Variants in LARGE1 observed in about 807,000 individuals in gnomAD.
LARGE1 encodes the protein LARGE xylosyl- and glucuronyltransferase 1.
LARGE1 carries 43 observed loss-of-function variants against 87.6 expected under a neutral mutation model. The observed-to-expected ratio is 0.49, with a 90% CI of 0.38 to 0.63. The LOEUF (loss-of-function observed/expected upper bound fraction) is 0.63. Among genes scored for constraint, LARGE1 ranks in the 30% least tolerant of loss-of-function variants. The pLI, the probability that LARGE1 is intolerant of heterozygous loss-of-function variation, is 0.00. For missense variants in LARGE1, 802 were observed against 1,000.2 expected (o/e 0.80, Z 2.67); for synonymous variants, 434 against 394.6 (o/e 1.10, Z -1.18).
chr22:33,097,541 C>T, the LARGE1 span, among the ~76,000 whole-genome samples: 1 of 152,098 alleles, frequency 6.6e-6, no homozygotes, highest in Non-Finnish European at 1.5e-5. Context: ...TTGATTTTTC[C>T]CCAAGTAAAG....
intron 6 of LARGE1, among the ~76,000 whole-genome samples, chr22:33,470,121 A>G (rs1336245812): frequency 6.6e-6 from 1 of 151,656 alleles, no homozygotes; most frequent in African/African-American, 2.4e-5. Flanking sequence ...TGATCTCCTG[A>G]CCTTGTGATC....
intron 6 of LARGE1, among the ~76,000 whole-genome samples, chr22:33,508,634 C>A (rs2070879651): frequency 6.6e-6 from 1 of 152,146 alleles, no homozygotes; most frequent in Admixed American, 6.5e-5. Context: ...GAGAAAGTTA[C>A]AACGTACATC....
the LARGE1 span, among the ~76,000 whole-genome samples, chr22:33,126,208 G>C: frequency 6.6e-6 from 1 of 152,166 alleles, no homozygotes; most frequent in Non-Finnish European, 1.5e-5. Context: ...GAAGTTTCAG[G>C]GAACACACTT....
intron 1 of LARGE1, among the ~76,000 whole-genome samples, chr22:33,800,131 T>C (rs1433814964): frequency 6.6e-6 from 1 of 152,190 alleles, no homozygotes; most frequent in African/African-American, 2.4e-5. Flanking sequence ...ACCCTGCCAA[T>C]CAAATAGTAA....
intron 12 of LARGE1, among the ~76,000 whole-genome samples, chr22:33,284,249 G>C (rs1262112042): frequency 1.3e-5 from 2 of 152,180 alleles, no homozygotes; most frequent in Non-Finnish European, 2.9e-5. Context: ...AGAGCAGGTG[G>C]ACAGAGAGCC....
At chr22:33,652,267 T>G (rs9609853) in intron 2 of LARGE1, among the ~76,000 whole-genome samples, 5,175 of 152,138 alleles carry the variant, frequency 0.034, 140 homozygotes, top group Admixed American at 0.077. Flanking sequence ...AATGGTGATG[T>G]CAGAATTCGC....
At chr22:33,295,364 G>A (rs149724038) in intron 12 of LARGE1, among the ~76,000 whole-genome samples, 608 of 152,348 alleles carry the variant, frequency 4.0e-3, no homozygotes, top group Non-Finnish European at 7.0e-3. Flanking sequence ...GTGTACATGC[G>A]TGTGGGTGCC....
chr22:33,355,353 T>C (rs1342915382), intron 9 of LARGE1, among the ~76,000 whole-genome samples: 1 of 151,902 alleles, frequency 6.6e-6, no homozygotes, highest in Non-Finnish European at 1.5e-5. Context: ...TATGATGAAC[T>C]TGTCTCTATA....
chr22:33,710,793 T>C (rs1205950610), intron 2 of LARGE1, among the ~76,000 whole-genome samples: 1 of 152,076 alleles, frequency 6.6e-6, no homozygotes, highest in Non-Finnish European at 1.5e-5. Flanking sequence ...GAGAAGGAAA[T>C]GGCAAAATTC....
At chr22:33,467,462 T>G (rs1167918740) in intron 6 of LARGE1, among the ~76,000 whole-genome samples, 1 of 152,216 alleles carries the variant, frequency 6.6e-6, no homozygotes, top group East Asian at 1.9e-4. Flanking sequence ...CCTTTAGACT[T>G]TCCTCAAAAC....
At chr22:33,525,229 A>C (rs1349680610) in intron 6 of LARGE1, among the ~76,000 whole-genome samples, 1 of 152,140 alleles carries the variant, frequency 6.6e-6, no homozygotes, top group African/African-American at 2.4e-5. Context: ...TAATATGCTC[A>C]GCTTAATCCT....
chr22:33,590,833 T>C (rs764630105), intron 5 of LARGE1, among the ~76,000 whole-genome samples: 2 of 152,188 alleles, frequency 1.3e-5, no homozygotes, highest in African/African-American at 2.4e-5. Context: ...CCAGTGGACA[T>C]AGGTTTTATT....
At chr22:33,442,763 G>A (rs949723684) in intron 6 of LARGE1, among the ~76,000 whole-genome samples, 1 of 150,410 alleles carries the variant, frequency 6.6e-6, no homozygotes, top group Non-Finnish European at 1.5e-5. Context: ...CCTCTAGTTA[G>A]TACTTGGTCC....
intron 2 of LARGE1, among the ~76,000 whole-genome samples, chr22:33,689,983 T>C (rs559763036): frequency 2.0e-5 from 3 of 152,196 alleles, no homozygotes; most frequent in African/African-American, 7.2e-5. Context: ...ATACTTATAA[T>C]GTACATCTTT....
At chr22:33,498,208 A>T (rs2070244413) in intron 6 of LARGE1, among the ~76,000 whole-genome samples, 1 of 152,030 alleles carries the variant, frequency 6.6e-6, no homozygotes, top group African/African-American at 2.4e-5. Flanking sequence ...TTCCAATAAG[A>T]AAGCTGGGGG....
intron 6 of LARGE1, among the ~76,000 whole-genome samples, chr22:33,455,215 T>C (rs560220483): frequency 6.6e-6 from 1 of 152,292 alleles, no homozygotes; most frequent in Non-Finnish European, 1.5e-5. Context: ...GTTTTTATAG[T>C]AACTGATGTG....
At chr22:33,800,323 A>G (rs779306660) in intron 1 of LARGE1, among the ~76,000 whole-genome samples, 3 of 152,248 alleles carry the variant, frequency 2.0e-5, no homozygotes, top group African/African-American at 4.8e-5. Flanking sequence ...GATAATTTAT[A>G]TAACTATAAT....
intron 2 of LARGE1, among the ~76,000 whole-genome samples, chr22:33,731,037 C>T (rs1477382951): frequency 2.4e-5 from 3 of 123,508 alleles, no homozygotes; most frequent in Non-Finnish European, 5.0e-5. Context: ...GAGTCTTGTT[C>T]TGTTGCCCAG....
chr22:33,109,759 C>T, the LARGE1 span, among the ~76,000 whole-genome samples: 1 of 152,080 alleles, frequency 6.6e-6, no homozygotes, highest in Admixed American at 6.6e-5. Context: ...ACTTGGTGTC[C>T]TCCCTGCAAT....
Sources: gnomAD v4.1 joint callset for allele counts (sites outside exome capture counted in the v4.1 genomes callset) on GRCh38, gnomAD v4.1.1 for gene constraint, MANE v1.5 for transcripts, NCBI Gene and HGNC (gene_info 2026-07-23, HGNC 2026-07-21) for gene names.